IKZF1: variants seen among roughly 807,000 people sequenced by gnomAD.
IKZF1 encodes DNA-binding protein Ikaros.
IKZF1 carries 10 observed loss-of-function variants against 51.7 expected under a neutral mutation model. The observed-to-expected ratio is 0.19, with a 90% CI of 0.12 to 0.33. The LOEUF is 0.33. IKZF1 is among the 10% of genes least tolerant of loss of function. The probability of loss-of-function intolerance (pLI) is 1.00; values close to 1 mark genes in which losing one functional copy is unlikely to be tolerated. For missense variants in IKZF1, 484 were observed against 707.5 expected, an observed-to-expected ratio of 0.68 and a Z score of 3.58; for synonymous variants, 280 against 282.3, an observed-to-expected ratio of 0.99 and a Z score of 0.08.
intron 1 of IKZF1, 85 bp from the exon 2 acceptor site, chr7:50,318,963 G>A (rs1348325014): frequency 1.2e-6 from 1 of 822,656 alleles, no homozygotes; most frequent in Admixed American, 1.9e-5. Context: ...TTGTTAAATA[G>A]CATAGGGGTT....
At chr7:50,330,378 C>A (rs1011997771) in intron 3 of IKZF1, among the ~76,000 whole-genome samples, 1 of 152,146 alleles carries the variant, frequency 6.6e-6, no homozygotes, top group African/African-American at 2.4e-5. Flanking sequence ...ATTGAATGCT[C>A]CTCAGTGGGG....
intron 5 of IKZF1, among the ~76,000 whole-genome samples, chr7:50,383,149 A>G (rs1358988502): frequency 6.6e-6 from 1 of 152,166 alleles, no homozygotes; most frequent in Non-Finnish European, 1.5e-5. Context: ...GCTTTTTTGC[A>G]GAGCTGGTAG....
chr7:50,387,007 T>C (rs985243564), intron 5 of IKZF1, among the ~76,000 whole-genome samples: 5 of 152,154 alleles, frequency 3.3e-5, no homozygotes, highest in Admixed American at 3.3e-4. Flanking sequence ...CTCACATCTC[T>C]GTCCAGTCGC....
chr7:50,307,451 A>G (rs1202106160), intron 1 of IKZF1, among the ~76,000 whole-genome samples: 2 of 152,180 alleles, frequency 1.3e-5, no homozygotes, highest in African/African-American at 4.8e-5. Flanking sequence ...AAGACTGACA[A>G]GCACTCTGGG....
chr7:50,403,160 T>C lies in IKZF1; in HGVS notation c.*2533T>C, dbSNP rs1048353722. 5 of 220,214 alleles carry C rather than the reference T, an allele frequency of 2.3e-5. No individual in the cohort carries two copies. The highest frequency in any genetic ancestry group is 1.1e-4 in the African/African-American group (5 of 44,526). The allele number at this position is 220,214 out of a possible 1,614,324, so 13.6% of individuals were successfully genotyped here. ...ATGTCTCTTTGCACACCTTTTGTTG[T>C]GGTTTTATATTGTAACACCATTTTT... On this transcript the variant is annotated 3_prime_UTR_variant, in exon 8 of 8. Transcript: ENST00000331340.
At chr7:50,342,791 C>G (rs1799354002) in intron 3 of IKZF1, among the ~76,000 whole-genome samples, 1 of 152,228 alleles carries the variant, frequency 6.6e-6, no homozygotes. Context: ...CAGTGTGCAG[C>G]CCAGACCCCA....
At chr7:50,399,550 G>T (rs1016680450) in intron 7 of IKZF1, among the ~76,000 whole-genome samples, 3 of 151,992 alleles carry the variant, frequency 2.0e-5, no homozygotes, top group Admixed American at 6.6e-5. Context: ...TACTGAAAAA[G>T]CATCATTTCA....
chr7:50,320,192 T>C (rs1280097104), intron 2 of IKZF1, among the ~76,000 whole-genome samples: 1 of 152,226 alleles, frequency 6.6e-6, no homozygotes, highest in Non-Finnish European at 1.5e-5. Context: ...ACATTCTTTG[T>C]GTAATTCTCA....
At chr7:50,393,044 A>AT (rs1815634810) in intron 7 of IKZF1, among the ~76,000 whole-genome samples, 1 of 152,142 alleles carries the variant, frequency 6.6e-6, no homozygotes, top group African/African-American at 2.4e-5. Context: ...GCACTGGCAT[A>AT]TTTTTTATGA....
intron 6 of IKZF1, among the ~76,000 whole-genome samples, chr7:50,390,771 G>A (rs1562890506): frequency 1.3e-5 from 2 of 152,232 alleles, no homozygotes; most frequent in South Asian, 2.1e-4. Context: ...GTCAAGTGAT[G>A]TATGAAAATG....
intron 3 of IKZF1, among the ~76,000 whole-genome samples, chr7:50,351,862 C>T (rs1199780935): frequency 6.6e-6 from 1 of 151,926 alleles, no homozygotes; most frequent in Non-Finnish European, 1.5e-5. Context: ...CTAACAATTC[C>T]CCCCCGCCCC....
chr7:50,359,260 CA>C (rs1469214335), intron 3 of IKZF1, among the ~76,000 whole-genome samples: 1 of 152,022 alleles, frequency 6.6e-6, no homozygotes, highest in South Asian at 2.1e-4. Context: ...GATCCTGTCT[CA>C]AAAAATAAAA....
Position 50,400,617 on chromosome 7 carries a change from A to G in IKZF1, c.1550A>G (p.His517Arg). 6.2e-7 allele frequency: 1 copy of G among 1,609,448 alleles called. No individual in the cohort carries two copies. The change falls in exon 8 of 8, where the codon CAC becomes CGC. Residue 517 changes from histidine to arginine, a missense_variant. Around this residue, in one of 6 missense-constraint regions of IKZF1, gnomAD observed 42 missense variants for 84.4 expected, o/e 0.50. Coordinates refer to ENST00000331340, the MANE Select transcript of IKZF1 (RefSeq NM_006060.6). This position sits in a 1 kb window ranked among gnomAD's most constrained non-coding sequence, Gnocchi z 5.4. ...SHITRGEHRF[H>R]MS ...ATAACGCGAGGGGAGCACCGCTTCC[A>G]CATGAGCTAAAGCCCTCCCGCGCCC...
At chr7:50,335,796 G>A (rs1797633943) in intron 3 of IKZF1, among the ~76,000 whole-genome samples, 1 of 151,996 alleles carries the variant, frequency 6.6e-6, no homozygotes, top group African/African-American at 2.4e-5. Context: ...GCACATGCAT[G>A]TGGCAGCTGA....
chr7:50,303,920 G>A (rs1788145419), upstream of IKZF1: 1 of 144,986 alleles, frequency 6.9e-6, no homozygotes, highest in Non-Finnish European at 1.5e-5. The surrounding 1 kb of genome is among the most constrained non-coding windows in gnomAD (Gnocchi z 4.7). Context: ...CGCCGCGGCC[G>A]AGCCGGGCTG....
At chr7:50,356,885 A>G (rs939281641) in intron 3 of IKZF1, among the ~76,000 whole-genome samples, 1 of 151,604 alleles carries the variant, frequency 6.6e-6, no homozygotes, top group African/African-American at 2.4e-5. Context: ...GTCTCTGGAT[A>G]TGGAGGGAAG....
intron 3 of IKZF1, chr7:50,328,047 C>T (rs527694167): frequency 3.1e-6 from 1 of 324,966 alleles, no homozygotes; most frequent in South Asian, 6.1e-5. Flanking sequence ...CCTCACTGCA[C>T]TTGCAGGAAT....
intron 3 of IKZF1, among the ~76,000 whole-genome samples, chr7:50,351,413 C>G (rs766904290): frequency 6.6e-6 from 1 of 152,188 alleles, no homozygotes; most frequent in African/African-American, 2.4e-5. Context: ...TGTTTTTCAT[C>G]TCAGAATGTT....
chr7:50,363,532 C>T (rs951058300), intron 3 of IKZF1, among the ~76,000 whole-genome samples: 3 of 152,198 alleles, frequency 2.0e-5, no homozygotes, highest in African/African-American at 7.2e-5. Context: ...CCACCCAGCA[C>T]TCCCCAGCTC....
Sources: allele counts gnomAD v4.1 joint callset (sites outside exome capture counted in the v4.1 genomes callset), GRCh38; gene constraint gnomAD v4.1.1; regional missense constraint gnomAD v4.1.1; non-coding constraint Gnocchi (gnomAD v3.1); transcripts MANE v1.5; gene names NCBI Gene and HGNC (gene_info 2026-07-23, HGNC 2026-07-21).